ERCC6: variants seen among roughly 807,000 people sequenced by gnomAD.
ERCC6 encodes ERCC excision repair 6, chromatin remodeling factor, also known as DNA excision repair protein ERCC-6.
Under a neutral mutation model 158.7 loss-of-function variants are expected in ERCC6, and 116 were observed. That is an observed-to-expected ratio of 0.73 (90% confidence interval 0.63 to 0.85). ERCC6 has a LOEUF of 0.85. Ranked by LOEUF, ERCC6 falls within the 40% of genes least tolerant of loss-of-function variation. ERCC6 has a pLI of 0.00. For missense variants in ERCC6, 1,698 were observed against 1,799.4 expected (o/e 0.94, Z 1.02); for synonymous variants, 678 against 659.3 (o/e 1.03, Z -0.43).
intron 5 of ERCC6, among the ~76,000 whole-genome samples, chr10:49,509,032 C>A (rs1851492548): frequency 6.6e-6 from 1 of 152,108 alleles, no homozygotes; most frequent in Non-Finnish European, 1.5e-5. Flanking sequence ...TGCAGAAGTG[C>A]AGGCCCAGGC....
At chr10:49,448,700 T>C in the ERCC6 span, among the ~76,000 whole-genome samples, 1 of 152,238 alleles carries the variant, frequency 6.6e-6, no homozygotes, top group South Asian at 2.1e-4. Context: ...ATTTCCCTAT[T>C]CTGGACTTTT....
At chr10:49,509,834 CA>C (rs908153012) in intron 5 of ERCC6, among the ~76,000 whole-genome samples, 1 of 152,126 alleles carries the variant, frequency 6.6e-6, no homozygotes, top group Non-Finnish European at 1.5e-5. Flanking sequence ...ATAACTTTTT[CA>C]TGTTCTCTAT....
At position 49,470,081 on chromosome 10, in the gene ERCC6, C is replaced by G. The variant is rs905335369; in HGVS notation, c.3778+101G>C. 4 of 1,027,028 alleles carry G rather than the reference C, an allele frequency of 3.9e-6. No homozygotes were observed. The African/African-American group carries it at 6.3e-5, about 16-fold the overall frequency. 63.6% of individuals were successfully genotyped at this position (1,027,028 alleles called of 1,614,324 possible). A position where few individuals can be genotyped will look rare whatever the true frequency, so the allele number is the denominator to read the frequency against. On this transcript the variant is annotated intron_variant, in intron 18 of 20. Coordinates refer to ENST00000355832, the MANE Select transcript of ERCC6 (RefSeq NM_000124.4). ...TTTGAAGAAAAACACTAATGGCTGACAGCCCTCTATGCACCATCAGTTAAA... is the reference window on the plus strand; with the variant it reads ...TTTGAAGAAAAACACTAATGGCTGAGAGCCCTCTATGCACCATCAGTTAAA...
rs1850531132 is a variant in ERCC6 at position 49,459,096 on chromosome 10, G to C, written c.4201C>G (p.Leu1401Val). 6.2e-7 allele frequency: 1 copy of C among 1,614,234 alleles called. No individual in the cohort carries two copies. Among genetic ancestry groups the C allele is most frequent in the Non-Finnish European group, 8.5e-7 (1 of 1,180,040 alleles). Residue 1401 changes from leucine to valine, a missense_variant, in exon 21 of 21, where the codon CTG becomes GTG. Physicochemically the swap from Leu to Val is conservative, Grantham distance 32. Coordinates refer to ENST00000355832, the MANE Select transcript of ERCC6 (RefSeq NM_000124.4). ...AKMRARNHLI[L>V]PERLESESGH... ...CTTTCACTTTCTAAACGCTCTGGCA[G>C]AATCAGGTGGTTTCTAGCTCTCATT...
intron 18 of ERCC6, among the ~76,000 whole-genome samples, chr10:49,468,793 T>C (rs557441635): frequency 2.0e-4 from 30 of 152,276 alleles, no homozygotes; most frequent in African/African-American, 6.7e-4. Flanking sequence ...AAATGGCTGA[T>C]TCCAGGGCTG....
the ERCC6 span, among the ~76,000 whole-genome samples, chr10:49,447,723 G>T: frequency 6.6e-6 from 1 of 150,752 alleles, no homozygotes; most frequent in African/African-American, 2.4e-5. Context: ...AAGAAAGAAA[G>T]AAATCACTCC....
At chr10:49,463,370 C>G (rs762130912) in intron 18 of ERCC6, among the ~76,000 whole-genome samples, 1 of 152,066 alleles carries the variant, frequency 6.6e-6, no homozygotes, top group Non-Finnish European at 1.5e-5. Flanking sequence ...GATTTTAGAG[C>G]ATTTTAGATT....
chr10:49,483,873 G>A (rs752674827), intron 8 of ERCC6, among the ~76,000 whole-genome samples: 26 of 151,914 alleles, frequency 1.7e-4, no homozygotes, highest in South Asian at 2.1e-4. Context: ...ACAAAAGCAA[G>A]AAAATAAGAG....
At chr10:49,515,646 CA>C in intron 5 of ERCC6, 1 of 1,614,060 alleles carries the variant, frequency 6.2e-7, no homozygotes, top group Non-Finnish European at 8.5e-7. Context: ...CAGTTCGAAA[CA>C]GAACAAAAGA....
chr10:49,480,471 A>C (rs1044239954), intron 10 of ERCC6, among the ~76,000 whole-genome samples: 9 of 152,238 alleles, frequency 5.9e-5, no homozygotes, highest in African/African-American at 1.9e-4. Context: ...ACATGGTCTC[A>C]AACAAAAAGG....
At chr10:49,490,600 G>A (rs192296400) in intron 8 of ERCC6, among the ~76,000 whole-genome samples, 11 of 152,134 alleles carry the variant, frequency 7.2e-5, no homozygotes, top group South Asian at 2.1e-4. Context: ...TGATCCACCC[G>A]CCTCGGCCTC....
intron 18 of ERCC6, 69 bp from the exon 19 acceptor site, chr10:49,461,625 A>T: frequency 6.8e-7 from 1 of 1,475,006 alleles, no homozygotes; most frequent in Admixed American, 1.9e-5. Flanking sequence ...TCTCCTCTGT[A>T]TAAGTACAGT....
chr10:49,512,709 A>C (rs895941835), intron 5 of ERCC6, among the ~76,000 whole-genome samples: 1 of 152,246 alleles, frequency 6.6e-6, no homozygotes, highest in African/African-American at 2.4e-5. Context: ...ATGGGACCCA[A>C]GACTAAATAC....
downstream of ERCC6, among the ~76,000 whole-genome samples, chr10:49,454,251 C>T (rs988560857): frequency 6.6e-6 from 1 of 151,996 alleles, no homozygotes; most frequent in Admixed American, 6.5e-5. Flanking sequence ...TGCATTTTTT[C>T]CTTATTATAG....
At chr10:49,505,657 A>T (rs1851430408) in intron 6 of ERCC6, 1 of 561,708 alleles carries the variant, frequency 1.8e-6, no homozygotes, top group South Asian at 2.3e-5. Context: ...GTCCATATAG[A>T]TTCATCAGTT....
rs929880632 is a variant in ERCC6, at chr10:49,494,541, A to T, written c.1686-1289T>A. Among the ~76,000 whole-genome samples the T allele has an allele frequency of 7.2e-5, 11 of 152,250 alleles. No homozygotes were observed. In the East Asian group the frequency reaches 2.1e-3, roughly 29 times the overall value. ...ATTCCCCTCTCCCTTTTTCCTGAAGAATCAGATCTCTGCAGGTGCCCTCCT... is the reference window on the plus strand; with the variant it reads ...ATTCCCCTCTCCCTTTTTCCTGAAGTATCAGATCTCTGCAGGTGCCCTCCT... On this transcript the variant is annotated intron_variant, in intron 7 of 20. Coordinates refer to ENST00000355832, the MANE Select transcript of ERCC6 (RefSeq NM_000124.4).
chr10:49,505,748 G>T, intron 6 of ERCC6, 136 bp downstream of exon 6: 1 of 943,644 alleles, frequency 1.1e-6, no homozygotes. Context: ...AATTTCATTT[G>T]ACAGTATCTG....
chr10:49,515,560 C>T, intron 5 of ERCC6: 1 of 1,614,168 alleles, frequency 6.2e-7, no homozygotes, highest in Non-Finnish European at 8.5e-7. Context: ...TGGCATACCA[C>T]ACGTCGACGA....
chr10:49,444,093 A>G, the ERCC6 span, among the ~76,000 whole-genome samples: 1 of 152,226 alleles, frequency 6.6e-6, no homozygotes, highest in South Asian at 2.1e-4. Context: ...CCACAGGGTC[A>G]CTGCATTAGG....
Sources: gnomAD v4.1 joint callset for allele counts (sites outside exome capture counted in the v4.1 genomes callset) on GRCh38, gnomAD v4.1.1 for gene constraint, MANE v1.5 for transcripts, NCBI Gene and HGNC (gene_info 2026-07-23, HGNC 2026-07-21) for gene names.